The following PTPRK variants were observed in gnomAD, a reference collection of about 807,000 sequenced individuals.
PTPRK encodes receptor-type tyrosine-protein phosphatase kappa.
PTPRK carries 75 observed loss-of-function variants against 178.0 expected under a neutral mutation model. The observed-to-expected ratio is 0.42, with a 90% CI of 0.35 to 0.51. PTPRK has a LOEUF of 0.51. Ranked by LOEUF, PTPRK falls within the 20% of genes least tolerant of loss-of-function variation. The pLI, the probability that PTPRK is intolerant of heterozygous loss-of-function variation, is 0.02. For missense variants in PTPRK, 1,441 were observed against 1,797.8 expected, an observed-to-expected ratio of 0.80 and a Z score of 3.59; for synonymous variants, 637 against 620.6, an observed-to-expected ratio of 1.03 and a Z score of -0.39.
intron 1 of PTPRK, among the ~76,000 whole-genome samples, chr6:128,425,476 G>T (rs1844022396): frequency 6.6e-6 from 1 of 152,148 alleles, no homozygotes; most frequent in Non-Finnish European, 1.5e-5. Flanking sequence ...TAATAGCTTA[G>T]CTCCCACATA....
At chr6:128,349,307 C>A (rs1832809788) in intron 2 of PTPRK, among the ~76,000 whole-genome samples, 1 of 151,886 alleles carries the variant, frequency 6.6e-6, no homozygotes, top group Non-Finnish European at 1.5e-5. Context: ...CATAAATATT[C>A]CCTAGTAGAT....
At chr6:128,092,240 T>A (rs948284274) in intron 7 of PTPRK, among the ~76,000 whole-genome samples, 1 of 152,122 alleles carries the variant, frequency 6.6e-6, no homozygotes, top group Non-Finnish European at 1.5e-5. Context: ...AAATTGACAT[T>A]TTTTTCCACA....
chr6:128,153,260 G>A (rs1797526928), intron 7 of PTPRK, among the ~76,000 whole-genome samples: 3 of 151,648 alleles, frequency 2.0e-5, no homozygotes, highest in Non-Finnish European at 4.4e-5. Context: ...GAATGATAAT[G>A]GTAAAAAATG....
chr6:128,478,990 T>TA (rs1851713614), intron 1 of PTPRK, among the ~76,000 whole-genome samples: 1 of 151,808 alleles, frequency 6.6e-6, no homozygotes, highest in Non-Finnish European at 1.5e-5. Flanking sequence ...CACTCCTCCC[T>TA]AGAGAGCTAT....
At chr6:128,072,568 C>T (rs1783019717) in intron 11 of PTPRK, among the ~76,000 whole-genome samples, 1 of 152,032 alleles carries the variant, frequency 6.6e-6, no homozygotes, top group Non-Finnish European at 1.5e-5. Context: ...CAAAGTCAAA[C>T]TCTGTACTTT....
chr6:128,159,175 G>T (rs1370331825), intron 7 of PTPRK, among the ~76,000 whole-genome samples: 1 of 151,766 alleles, frequency 6.6e-6, no homozygotes, highest in South Asian at 2.1e-4. Context: ...AAAACTTCAT[G>T]CAAAAAAGAA....
At chr6:128,182,424 A>G (rs969795542) in intron 7 of PTPRK, among the ~76,000 whole-genome samples, 1 of 152,098 alleles carries the variant, frequency 6.6e-6, no homozygotes, top group Admixed American at 6.6e-5. Flanking sequence ...AAATACAAAA[A>G]TTAGCTGGGC....
At chr6:128,248,301 A>G (rs1336447743) in intron 3 of PTPRK, among the ~76,000 whole-genome samples, 1 of 152,204 alleles carries the variant, frequency 6.6e-6, no homozygotes, top group African/African-American at 2.4e-5. Flanking sequence ...CATTACATAT[A>G]TGTGCATATA....
intron 13 of PTPRK, among the ~76,000 whole-genome samples, chr6:128,012,816 A>C (rs888081518): frequency 6.6e-6 from 1 of 151,432 alleles, no homozygotes; most frequent in Non-Finnish European, 1.5e-5. Flanking sequence ...TGGACATTAG[A>C]GATAGAAGCC....
chr6:127,992,660 G>A lies in PTPRK; in HGVS notation c.2881+13C>T, dbSNP rs761065359. 5.4e-5 allele frequency: 86 copies of A among 1,586,428 alleles called. No homozygotes were observed. In the East Asian group the frequency reaches 2.0e-3, roughly 36 times the overall value. On this transcript the variant is annotated intron_variant, in intron 19 of 29. Transcript: ENST00000368226. ...TTGTTTTTTCTATAACATTTAACAA[G>A]GCAAAGTTTTACCTTGGGTTGCAAT...
chr6:128,180,750 G>T (rs1290068763), intron 7 of PTPRK, among the ~76,000 whole-genome samples: 1 of 152,106 alleles, frequency 6.6e-6, no homozygotes, highest in Non-Finnish European at 1.5e-5. Context: ...ATGTGAAGTT[G>T]CAAATATTAA....
chr6:128,299,453 G>A (rs113928717), intron 3 of PTPRK, among the ~76,000 whole-genome samples: 4 of 151,974 alleles, frequency 2.6e-5, no homozygotes, highest in Non-Finnish European at 4.4e-5. Flanking sequence ...GAGGCATCAT[G>A]CTACCTGACT....
Position 128,136,078 on chromosome 6 carries a change from G to C in PTPRK, c.1163-46086C>G, listed in dbSNP as rs140517393. On this transcript the variant is annotated intron_variant, in intron 7 of 29. Coordinates refer to ENST00000368226, the MANE Select transcript of PTPRK (RefSeq NM_002844.4). ...TTCCAGTATCTCTGGTGTCCCATAA[G>C]AAGAGAAAGAGATATCTGGGATGTG... is the stretch of plus-strand genomic sequence containing the variant. Among the ~76,000 whole-genome samples, 49 of 152,218 alleles carry C rather than the reference G, an allele frequency of 3.2e-4. No individual in the cohort carries two copies. In the East Asian group the frequency reaches 7.0e-3, roughly 22 times the overall value.
At chr6:128,365,666 C>T (rs1004358039) in intron 2 of PTPRK, among the ~76,000 whole-genome samples, 5 of 152,116 alleles carry the variant, frequency 3.3e-5, no homozygotes, top group East Asian at 1.9e-4. Flanking sequence ...GAGTTTGTTA[C>T]GTAATTTGTT....
At position 128,442,632 on chromosome 6, in the gene PTPRK, C is replaced by G. The variant is rs528077317; in HGVS notation, c.101-44944G>C. ...AAACACCTATCTCATTTCTCCCACA[C>G]AGTGGTGAGCTTCCAAAGAATAAAA... is the stretch of plus-strand genomic sequence containing the variant. On this transcript the variant is annotated intron_variant, in intron 1 of 29. Coordinates refer to ENST00000368226, the MANE Select transcript of PTPRK (RefSeq NM_002844.4). Among the ~76,000 whole-genome samples the G allele has an allele frequency of 3.3e-5, 5 of 152,178 alleles. No homozygotes were observed. In the South Asian group the frequency reaches 1.0e-3, roughly 31 times the overall value.
chr6:128,143,982 TC>T (rs1006570367), intron 7 of PTPRK, among the ~76,000 whole-genome samples: 2 of 152,140 alleles, frequency 1.3e-5, no homozygotes, highest in African/African-American at 4.8e-5. Flanking sequence ...AAACTCTACT[TC>T]CTTGAACTAT....
intron 7 of PTPRK, among the ~76,000 whole-genome samples, chr6:128,093,043 A>G (rs771179205): frequency 6.6e-6 from 1 of 152,200 alleles, no homozygotes; most frequent in South Asian, 2.1e-4. Context: ...AATCGTATTT[A>G]TAACAAATAA....
At chr6:128,282,904 A>T (rs913372029) in intron 3 of PTPRK, among the ~76,000 whole-genome samples, 6 of 152,192 alleles carry the variant, frequency 3.9e-5, no homozygotes, top group African/African-American at 1.4e-4. Context: ...ACGGAATGGT[A>T]GTTGGGATGA....
intron 6 of PTPRK, among the ~76,000 whole-genome samples, chr6:128,194,396 A>G (rs1804514594): frequency 1.3e-5 from 2 of 152,108 alleles, no homozygotes; most frequent in African/African-American, 4.8e-5. Flanking sequence ...AATTATAGCA[A>G]TAATTTTAAC....
Sources: allele counts gnomAD v4.1 joint callset (sites outside exome capture counted in the v4.1 genomes callset), GRCh38; gene constraint gnomAD v4.1.1; transcripts MANE v1.5; gene names NCBI Gene and HGNC (gene_info 2026-07-23, HGNC 2026-07-21).